MACROD2: variants seen among roughly 807,000 people sequenced by gnomAD.
MACROD2 encodes the protein ADP-ribose glycohydrolase MACROD2.
Under a neutral mutation model 70.4 loss-of-function variants are expected in MACROD2, and 36 were observed. The observed-to-expected ratio is 0.51, with a 90% CI of 0.39 to 0.68. MACROD2 has a LOEUF of 0.68. Among genes scored for constraint, MACROD2 ranks in the 30% least tolerant of loss-of-function variants. The pLI, the probability that MACROD2 is intolerant of heterozygous loss-of-function variation, is 0.00. For synonymous variants in MACROD2, 172 were observed against 178.8 expected, an observed-to-expected ratio of 0.96 and a Z score of 0.30; for missense variants, 496 against 538.4, an observed-to-expected ratio of 0.92 and a Z score of 0.78.
chr20:14,787,016 T>C (rs945948113), intron 5 of MACROD2, among the ~76,000 whole-genome samples: 1 of 152,090 alleles, frequency 6.6e-6, no homozygotes, highest in Non-Finnish European at 1.5e-5. Context: ...GCTTAAGTCT[T>C]ACATGAATCA....
chr20:14,117,177 T>C (rs2054527075), intron 3 of MACROD2, among the ~76,000 whole-genome samples: 1 of 152,246 alleles, frequency 6.6e-6, no homozygotes, highest in Non-Finnish European at 1.5e-5. Context: ...TTTATCTTTC[T>C]ATTGAATTCC....
intron 6 of MACROD2, among the ~76,000 whole-genome samples, chr20:15,387,741 T>G (rs2045737367): frequency 1.1e-5 from 1 of 92,994 alleles, no homozygotes; most frequent in Non-Finnish European, 2.0e-5. Flanking sequence ...CTCAGGGATT[T>G]TTTTTTTTTT....
chr20:16,019,253 T>C (rs996980601), intron 15 of MACROD2, among the ~76,000 whole-genome samples: 2 of 152,120 alleles, frequency 1.3e-5, no homozygotes, highest in East Asian at 1.9e-4. Context: ...AATGGTACCA[T>C]ACATATGTAC....
intron 4 of MACROD2, among the ~76,000 whole-genome samples, chr20:14,593,928 T>A (rs780664750): frequency 2.0e-5 from 3 of 152,210 alleles, no homozygotes; most frequent in South Asian, 2.1e-4. Flanking sequence ...AGTTCAATAT[T>A]TGTCCTTCCC....
chr20:14,527,154 T>C (rs1192374454), intron 4 of MACROD2, among the ~76,000 whole-genome samples: 2 of 152,226 alleles, frequency 1.3e-5, no homozygotes, highest in Admixed American at 6.5e-5. Context: ...GGTGGCCTGC[T>C]GGCCTGCCGA....
chr20:15,951,351 A>ACACACG (rs71192308), intron 12 of MACROD2, among the ~76,000 whole-genome samples: 2 of 149,078 alleles, frequency 1.3e-5, no homozygotes, highest in East Asian at 4.0e-4. Flanking sequence ...ACACACACAC[A>ACACACG]AAGAGAGAGA....
chr20:15,534,193 C>G (rs1018971446), intron 8 of MACROD2, among the ~76,000 whole-genome samples: 8 of 152,164 alleles, frequency 5.3e-5, no homozygotes, highest in Non-Finnish European at 7.4e-5. Flanking sequence ...AAAAGAGACA[C>G]AAACCTTCAG....
In MACROD2 at chr20:14,732,642, A is replaced by G. The variant is rs74529572; in HGVS notation, c.418+47683A>G. Among the ~76,000 whole-genome samples, 457 of 152,122 alleles carry G rather than the reference A, an allele frequency of 3.0e-3. 2 individuals are homozygous for G. Among genetic ancestry groups the G allele is most frequent in the East Asian group, 0.013 (67 of 5,170 alleles). ...ATGTTTTAGCCCGTATCTCAGGAGGAATTTGTCCTTCTGATTGCTTTGCTC... is the reference window on the plus strand; with the variant it reads ...ATGTTTTAGCCCGTATCTCAGGAGGGATTTGTCCTTCTGATTGCTTTGCTC... On this transcript the variant is annotated intron_variant, in intron 5 of 17. Transcript: ENST00000684519.
chr20:15,539,373 T>C (rs894357453), intron 8 of MACROD2, among the ~76,000 whole-genome samples: 39 of 152,214 alleles, frequency 2.6e-4, no homozygotes, highest in Non-Finnish European at 4.9e-4. Context: ...CGCAGAATTA[T>C]CTAAGAACAC....
intron 5 of MACROD2, among the ~76,000 whole-genome samples, chr20:14,745,505 T>C (rs756269528): frequency 1.3e-5 from 2 of 152,138 alleles, no homozygotes; most frequent in African/African-American, 2.4e-5. Context: ...GAGATGGATA[T>C]CATAGTGGTT....
chr20:14,733,604 T>A (rs926639376), intron 5 of MACROD2, among the ~76,000 whole-genome samples: 1 of 152,092 alleles, frequency 6.6e-6, no homozygotes, highest in East Asian at 1.9e-4. Flanking sequence ...AGATGGTAAA[T>A]CTACACACAG....
Position 14,506,838 on chromosome 20 carries a change from C to G in MACROD2, c.301+13330C>G, listed in dbSNP as rs147882152. 9.9e-5 allele frequency among the ~76,000 whole-genome samples: 15 copies of G among 152,254 alleles called. No homozygotes were observed. In the East Asian group the frequency reaches 2.1e-3, roughly 22 times the overall value. Reference sequence around the variant, plus strand: ...TGGTGGCACGTGCCTGCAGTCCCAGCTACTCGTGAGGCTGAGGCAGGAGAA... The same window carrying G: ...TGGTGGCACGTGCCTGCAGTCCCAGGTACTCGTGAGGCTGAGGCAGGAGAA... On this transcript the variant is annotated intron_variant, in intron 4 of 17. Coordinates refer to ENST00000684519, the MANE Select transcript of MACROD2 (RefSeq NM_001351661.2).
At chr20:15,446,136 G>A (rs2046563125) in intron 7 of MACROD2, among the ~76,000 whole-genome samples, 2 of 152,132 alleles carry the variant, frequency 1.3e-5, no homozygotes, top group African/African-American at 4.8e-5. Flanking sequence ...TCTCCTCTGT[G>A]TCTTCTTCTA....
At chr20:15,259,463 A>G (rs994694925) in intron 6 of MACROD2, among the ~76,000 whole-genome samples, 1 of 152,034 alleles carries the variant, frequency 6.6e-6, no homozygotes, top group Admixed American at 6.6e-5. Flanking sequence ...ACTGGGGGCC[A>G]GTTTATGAGA....
intron 4 of MACROD2, among the ~76,000 whole-genome samples, chr20:14,515,170 T>C (rs1305243185): frequency 6.6e-6 from 1 of 152,094 alleles, no homozygotes; most frequent in Non-Finnish European, 1.5e-5. Context: ...TTATTTATCA[T>C]GTAAGATTAA....
intron 3 of MACROD2, among the ~76,000 whole-genome samples, chr20:14,178,263 T>C (rs1291802551): frequency 6.6e-6 from 1 of 152,192 alleles, no homozygotes; most frequent in East Asian, 1.9e-4. Flanking sequence ...GCTACTCTGA[T>C]TGGATCATTA....
chr20:15,477,099 GTT>G (rs371999407), intron 7 of MACROD2, among the ~76,000 whole-genome samples: 5 of 115,376 alleles, frequency 4.3e-5, no homozygotes, highest in Admixed American at 2.0e-4. Flanking sequence ...TCTATTTTTA[GTT>G]TTTTTTTTTT....
intron 10 of MACROD2, among the ~76,000 whole-genome samples, chr20:15,890,069 T>C (rs1451956795): frequency 6.6e-6 from 1 of 152,182 alleles, no homozygotes. Context: ...ACCTGTGGTA[T>C]CATGAAATGA....
At chr20:15,967,769 G>A (rs1953924653) in intron 13 of MACROD2, 139 bp downstream of exon 13, 1 of 609,872 alleles carries the variant, frequency 1.6e-6, no homozygotes, top group Non-Finnish European at 2.6e-6. Context: ...CTGAATACCA[G>A]TTGATCAGTA....
Sources: gnomAD v4.1 joint callset for allele counts (sites outside exome capture counted in the v4.1 genomes callset) on GRCh38, gnomAD v4.1.1 for gene constraint, MANE v1.5 for transcripts, NCBI Gene and HGNC (gene_info 2026-07-23, HGNC 2026-07-21) for gene names.